The following ARHGAP39 variants were observed in gnomAD, a reference collection of about 807,000 sequenced individuals.
ARHGAP39 encodes rho GTPase-activating protein 39.
In ARHGAP39, 44 loss-of-function variants were observed where a neutral mutation model predicts 106.9. That is an observed-to-expected ratio of 0.41 (90% confidence interval 0.32 to 0.53). The LOEUF (loss-of-function observed/expected upper bound fraction) is 0.53. Among genes scored for constraint, ARHGAP39 ranks in the 20% least tolerant of loss-of-function variants. ARHGAP39 has a pLI of 0.21. For missense variants in ARHGAP39, 1,496 were observed against 1,577.3 expected (o/e 0.95, Z 0.87); for synonymous variants, 768 against 693.2 (o/e 1.11, Z -1.69).
At chr8:144,658,469 T>A (rs541821990) in intron 1 of ARHGAP39, among the ~76,000 whole-genome samples, 2 of 152,344 alleles carry the variant, frequency 1.3e-5, no homozygotes, top group African/African-American at 4.8e-5. Flanking sequence ...GAGATGGGAT[T>A]TCTCCATGTT....
intron 3 of ARHGAP39, among the ~76,000 whole-genome samples, chr8:144,570,266 C>A (rs968489763): frequency 1.3e-5 from 2 of 152,046 alleles, no homozygotes; most frequent in African/African-American, 4.8e-5. Flanking sequence ...GCTTATAAGC[C>A]GAGCAGAACG....
chr8:144,657,601 C>T (rs1022707560), intron 1 of ARHGAP39, among the ~76,000 whole-genome samples: 3 of 152,172 alleles, frequency 2.0e-5, no homozygotes, highest in Non-Finnish European at 4.4e-5. Flanking sequence ...AATTTAAAAA[C>T]TTTAGCAAAT....
chr8:144,634,903 G>A (rs946205966), intron 1 of ARHGAP39, among the ~76,000 whole-genome samples: 5 of 150,064 alleles, frequency 3.3e-5, no homozygotes, highest in East Asian at 2.0e-4. Context: ...GGCCCTGTGC[G>A]GGTGTAGTCT....
chr8:144,548,005 T>C lies in ARHGAP39; in HGVS notation c.1081A>G (p.Lys361Glu), dbSNP rs1418431309. The C allele has an allele frequency of 6.2e-7, 1 of 1,609,812 alleles. No individual in the cohort carries two copies. Among genetic ancestry groups the C allele is most frequent in the Non-Finnish European group, 8.5e-7 (1 of 1,179,104 alleles). The change falls in exon 5 of 12, where the codon AAG (lysine) becomes GAG (glutamate). Residue 361 changes from lysine (K) to glutamate (E), a missense_variant. By Grantham distance (56) the Lys-to-Glu change is moderately conservative (BLOSUM62 1). Transcript: ENST00000377307. This position sits in a 1 kb window ranked among gnomAD's most constrained non-coding sequence, Gnocchi z 7.4. ...TGGCAGGGCGAGGGGGGGCCCTGCT[T>C]GTTGGGCTGGAGGAACGGCCGGGGC... ...RKPRPFLQPNKQGPPSPCQQL... is the reference protein window; with the variant it reads ...RKPRPFLQPNEQGPPSPCQQL...
At chr8:144,618,902 G>A (rs1170043266) in intron 1 of ARHGAP39, among the ~76,000 whole-genome samples, 2 of 152,242 alleles carry the variant, frequency 1.3e-5, no homozygotes, top group Non-Finnish European at 2.9e-5. Flanking sequence ...TGGTGACAGC[G>A]GCCTCGTCTG....
intron 2 of ARHGAP39, among the ~76,000 whole-genome samples, chr8:144,602,817 TGCTC>T (rs1820092399): frequency 2.2e-5 from 3 of 135,088 alleles, no homozygotes; most frequent in Admixed American, 7.6e-5. Context: ...GAGGCGTGTG[TGCTC>T]GTGTACCTGT....
chr8:144,628,323 T>C (rs930710981), intron 1 of ARHGAP39, among the ~76,000 whole-genome samples: 1 of 151,880 alleles, frequency 6.6e-6, no homozygotes, highest in Non-Finnish European at 1.5e-5. Context: ...AACCCAGTCA[T>C]TCAAGCAGGG....
intron 2 of ARHGAP39, among the ~76,000 whole-genome samples, chr8:144,583,482 G>A (rs1586579129): frequency 6.6e-6 from 1 of 152,128 alleles, no homozygotes; most frequent in East Asian, 1.9e-4. Flanking sequence ...TGCCCACTAA[G>A]GTTCCCCACC....
chr8:144,531,210 G>A (rs185548465), intron 10 of ARHGAP39, among the ~76,000 whole-genome samples: 6,862 of 135,316 alleles, frequency 0.051, 397 homozygotes, highest in African/African-American at 0.086. Context: ...GGTGGGGAGT[G>A]GGCTAGACAT....
chr8:144,667,618 C>T (rs920257952), intron 1 of ARHGAP39, among the ~76,000 whole-genome samples: 5 of 152,192 alleles, frequency 3.3e-5, no homozygotes, highest in African/African-American at 4.8e-5. Context: ...CCTAAGGTCA[C>T]GGAGATGACA....
chr8:144,600,830 CGT>C (rs563589053), intron 2 of ARHGAP39, among the ~76,000 whole-genome samples: 54 of 147,766 alleles, frequency 3.7e-4, no homozygotes, highest in Middle Eastern at 3.9e-3. Context: ...TGCGTGGAGG[CGT>C]GTGTGTGCTC....
At chr8:144,557,045 A>G (rs79012133) in intron 3 of ARHGAP39, among the ~76,000 whole-genome samples, 1,350 of 133,374 alleles carry the variant, frequency 0.01, 17 homozygotes, top group Non-Finnish European at 0.016. Context: ...CTGAACCTTC[A>G]TAGTATTCAG....
chr8:144,607,738 A>T (rs1820346123), intron 1 of ARHGAP39, among the ~76,000 whole-genome samples: 1 of 152,178 alleles, frequency 6.6e-6, no homozygotes, highest in South Asian at 2.1e-4. Context: ...CACAAATCCT[A>T]CCTACACTCA....
chr8:144,687,029 C>T (rs1345667632), upstream of ARHGAP39, among the ~76,000 whole-genome samples: 8 of 117,112 alleles, frequency 6.8e-5, no homozygotes, highest in East Asian at 5.3e-4. Context: ...TGACCACGCA[C>T]TGGCGGCGAG....
rs1301807723 is a variant in ARHGAP39 at position 144,547,684 on chromosome 8, C to T, written c.1402G>A (p.Ala468Thr). ...GACCAGGACATGGCATCCTCCTGGG[C>T]CTGTGGCAGCGGCGTGGGCGGCTGG... Reference protein sequence around the residue: ...HSQPPTPLPQAQEDAMSWSSQ... With the variant: ...HSQPPTPLPQTQEDAMSWSSQ... The change falls in exon 5 of 12, where the codon GCC becomes ACC. Residue 468 changes from alanine (A) to threonine (T), a missense_variant. By Grantham distance (58) the Ala-to-Thr change is moderately conservative (BLOSUM62 0). This residue lies in a region of ARHGAP39 where 905 missense variants were observed against 816.4 expected (regional missense o/e 1.11). Coordinates refer to ENST00000377307, the MANE Select transcript of ARHGAP39 (RefSeq NM_025251.3). The surrounding 1 kb of genome is among the most constrained non-coding windows in gnomAD (Gnocchi z 5.2). The T allele has an allele frequency of 2.5e-6, 4 of 1,577,116 alleles. No homozygotes were observed. In the African/African-American group the frequency reaches 4.0e-5, roughly 16 times the overall value.
intron 1 of ARHGAP39, among the ~76,000 whole-genome samples, chr8:144,622,214 C>T (rs2130968994): frequency 6.6e-6 from 1 of 152,236 alleles, no homozygotes; most frequent in African/African-American, 2.4e-5. Flanking sequence ...CCGGGCAAAG[C>T]GTGGGGGCCT....
rs1456725908 is a variant in ARHGAP39, at chr8:144,685,820, T to TCCGCCG, written c.-222_-217dup. On this transcript the variant is annotated 5_prime_UTR_variant, in exon 1 of 12. Transcript: ENST00000377307. ...GCGGCAGCCCGTGCTGTCGGCGTCC[T>TCCGCCG]CCGCCGCCGCCGCCGGCCCAGTGCG... 2.7e-5 allele frequency among the ~76,000 whole-genome samples: 4 copies of TCCGCCG among 147,610 alleles called. No individual in the cohort carries two copies. In the South Asian group the frequency reaches 8.3e-4, roughly 31 times the overall value.
intron 5 of ARHGAP39, among the ~76,000 whole-genome samples, chr8:144,546,189 T>C (rs1444563117): frequency 6.6e-6 from 1 of 152,148 alleles, no homozygotes; most frequent in African/African-American, 2.4e-5. Flanking sequence ...AAGGCTGCAG[T>C]TCACACCAGG....
At chr8:144,542,531 A>T (rs981324763) in intron 6 of ARHGAP39, among the ~76,000 whole-genome samples, 1 of 152,148 alleles carries the variant, frequency 6.6e-6, no homozygotes, top group Non-Finnish European at 1.5e-5. Context: ...TCCACAGTAC[A>T]GGCTATATCC....
Sources: gnomAD v4.1 joint callset for allele counts (sites outside exome capture counted in the v4.1 genomes callset) on GRCh38, gnomAD v4.1.1 for gene constraint, gnomAD v4.1.1 regional missense constraint, Gnocchi (gnomAD v3.1) non-coding constraint, MANE v1.5 for transcripts, NCBI Gene and HGNC (gene_info 2026-07-23, HGNC 2026-07-21) for gene names.